The following ZNF407 variants were observed in gnomAD, a reference collection of about 807,000 sequenced individuals.
ZNF407 encodes zinc finger protein 407.
Under a neutral mutation model 131.2 loss-of-function variants are expected in ZNF407, and 17 were observed. The ratio of observed to expected loss-of-function variants is 0.13; its 90% CI spans 0.09 to 0.19. The LOEUF is 0.19. Among genes scored for constraint, ZNF407 ranks in the 10% least tolerant of loss-of-function variants. ZNF407 has a pLI of 1.00. For synonymous variants in ZNF407, 1,156 were observed against 1,062.0 expected (o/e 1.09, Z -1.72); for missense variants, 2,681 against 2,830.6 (o/e 0.95, Z 1.20).
intron 8 of ZNF407, among the ~76,000 whole-genome samples, chr18:74,986,746 A>G (rs1972656518): frequency 6.6e-6 from 1 of 152,224 alleles, no homozygotes. Flanking sequence ...TATGGATTGA[A>G]AAACACACAC....
chr18:75,032,813 G>T (rs986826684), intron 8 of ZNF407, among the ~76,000 whole-genome samples: 1 of 144,032 alleles, frequency 6.9e-6, no homozygotes, highest in Non-Finnish European at 1.5e-5. Flanking sequence ...GCTCAGAATT[G>T]GGGGAAGACA....
At chr18:75,054,615 G>T (rs1470673616) in intron 8 of ZNF407, among the ~76,000 whole-genome samples, 1 of 152,202 alleles carries the variant, frequency 6.6e-6, no homozygotes, top group African/African-American at 2.4e-5. Flanking sequence ...TGTATAATGT[G>T]TACAACTTTT....
At chr18:74,850,057 G>A (rs1309364326) in intron 4 of ZNF407, among the ~76,000 whole-genome samples, 2 of 152,166 alleles carry the variant, frequency 1.3e-5, no homozygotes, top group African/African-American at 4.8e-5. Flanking sequence ...CTGTGGAATA[G>A]GTGAATGGTA....
intron 3 of ZNF407, among the ~76,000 whole-genome samples, chr18:74,754,343 T>C (rs1016646525): frequency 3.3e-5 from 5 of 152,200 alleles, no homozygotes; most frequent in Admixed American, 2.0e-4. Context: ...GTGTCTCTTA[T>C]TTCCTTCAGT....
At chr18:74,659,921 T>C (rs1985640351) in intron 3 of ZNF407, among the ~76,000 whole-genome samples, 1 of 152,180 alleles carries the variant, frequency 6.6e-6, no homozygotes, top group African/African-American at 2.4e-5. Context: ...TTTGGATTAT[T>C]ATGCCATTTC....
chr18:74,968,207 G>A (rs1027130176), intron 8 of ZNF407, among the ~76,000 whole-genome samples: 2 of 152,122 alleles, frequency 1.3e-5, no homozygotes, highest in East Asian at 1.9e-4. Flanking sequence ...ATATACATGC[G>A]TGACCTATCC....
At chr18:74,896,653 G>A (rs751692944) in intron 7 of ZNF407, among the ~76,000 whole-genome samples, 1 of 152,122 alleles carries the variant, frequency 6.6e-6, no homozygotes, top group Non-Finnish European at 1.5e-5. Context: ...CATAAAGATT[G>A]CTTTGAAAGG....
chr18:74,721,951 T>G (rs1490777433), intron 3 of ZNF407, among the ~76,000 whole-genome samples: 1 of 152,284 alleles, frequency 6.6e-6, no homozygotes, highest in South Asian at 2.1e-4. Context: ...TTCCATTGTT[T>G]GTCATAAATC....
intron 8 of ZNF407, among the ~76,000 whole-genome samples, chr18:75,034,595 C>G (rs560302120): frequency 1.5e-3 from 226 of 151,380 alleles, no homozygotes; most frequent in African/African-American, 5.2e-3. Flanking sequence ...AGCCACTGCG[C>G]CCGGCGGGTT....
chr18:74,986,762 C>T (rs1972656949), intron 8 of ZNF407, among the ~76,000 whole-genome samples: 1 of 152,172 alleles, frequency 6.6e-6, no homozygotes, highest in Admixed American at 6.5e-5. Flanking sequence ...CACACAAACG[C>T]ACACACACTT....
rs79302175 is a variant in ZNF407 at position 74,732,864 on chromosome 18, A to T, written c.4803-48564A>T. Among the ~76,000 whole-genome samples, 11 of 152,296 alleles carry T rather than the reference A, an allele frequency of 7.2e-5. No individual in the cohort carries two copies. The East Asian group carries it at 2.1e-3, about 29-fold the overall frequency. ...TTTACATTGTTACATTTTGAAATCT[A>T]TTCAATATTTAAAGTGTGTAATTTT... On this transcript the variant is annotated intron_variant, in intron 3 of 8. Transcript: ENST00000299687.
intron 8 of ZNF407, among the ~76,000 whole-genome samples, chr18:74,929,076 C>T (rs1034558419): frequency 3.9e-5 from 6 of 152,216 alleles, no homozygotes; most frequent in Middle Eastern, 3.4e-3. Flanking sequence ...CAAGATTGGC[C>T]GAACTGGCTC....
chr18:74,712,824 G>A (rs1301502785), intron 3 of ZNF407, among the ~76,000 whole-genome samples: 2 of 152,202 alleles, frequency 1.3e-5, no homozygotes, highest in African/African-American at 2.4e-5. Flanking sequence ...ATCAGAAGTG[G>A]TGTTAAGGCC....
At chr18:74,659,503 G>T (rs1191398121) in intron 3 of ZNF407, among the ~76,000 whole-genome samples, 1 of 152,096 alleles carries the variant, frequency 6.6e-6, no homozygotes, top group African/African-American at 2.4e-5. Flanking sequence ...TTATATAATT[G>T]AATGGTAGAA....
At chr18:74,610,362 A>G (rs1453989790) in intron 1 of ZNF407, among the ~76,000 whole-genome samples, 3 of 152,054 alleles carry the variant, frequency 2.0e-5, no homozygotes. Context: ...TTCATGGTGA[A>G]CATCCTGAAA....
At chr18:74,602,195 T>G (rs1436999076) in intron 1 of ZNF407, among the ~76,000 whole-genome samples, 3 of 152,170 alleles carry the variant, frequency 2.0e-5, no homozygotes, top group Non-Finnish European at 1.5e-5. Flanking sequence ...TTGCAAGAAG[T>G]TGATGGCGGT....
At chr18:75,046,693 G>C (rs1420747937) in intron 8 of ZNF407, among the ~76,000 whole-genome samples, 1 of 150,976 alleles carries the variant, frequency 6.6e-6, no homozygotes, top group Admixed American at 6.6e-5. Flanking sequence ...GCTGTGCAGA[G>C]AATCTGTGAG....
intron 4 of ZNF407, among the ~76,000 whole-genome samples, chr18:74,795,449 A>C (rs961929185): frequency 1.1e-4 from 16 of 152,244 alleles, no homozygotes; most frequent in African/African-American, 3.4e-4. Context: ...TTGACATTAC[A>C]GCATTGGAAA....
intron 3 of ZNF407, among the ~76,000 whole-genome samples, chr18:74,725,296 C>A (rs1968131714): frequency 6.6e-6 from 1 of 152,178 alleles, no homozygotes; most frequent in Admixed American, 6.5e-5. Context: ...ACCGCCACAC[C>A]TAGACAATTA....
Sources: allele counts gnomAD v4.1 joint callset (sites outside exome capture counted in the v4.1 genomes callset), GRCh38; gene constraint gnomAD v4.1.1; transcripts MANE v1.5; gene names NCBI Gene and HGNC (gene_info 2026-07-23, HGNC 2026-07-21).